The following HMGCS2 variants were observed in gnomAD, a reference collection of about 807,000 sequenced individuals.
The protein encoded by HMGCS2 is hydroxymethylglutaryl-CoA synthase, mitochondrial.
A neutral mutation model predicts 57.4 loss-of-function variants in HMGCS2; 50 were observed. The observed-to-expected ratio is 0.87, with a 90% CI of 0.69 to 1.10. HMGCS2 has a LOEUF of 1.10. Among genes scored for constraint, HMGCS2 ranks in the 50% least tolerant of loss-of-function variants. The pLI, the probability that HMGCS2 is intolerant of heterozygous loss-of-function variation, is 0.00. For synonymous variants in HMGCS2, 254 were observed against 245.1 expected (o/e 1.04, Z -0.34); for missense variants, 627 against 636.5 (o/e 0.99, Z 0.16).
At chr1:119,763,388 C>T (rs1266317000) in intron 2 of HMGCS2, among the ~76,000 whole-genome samples, 1 of 152,072 alleles carries the variant, frequency 6.6e-6, no homozygotes, top group African/African-American at 2.4e-5. Flanking sequence ...ACTGTTTTTT[C>T]ACATCTTTAT....
intron 4 of HMGCS2, among the ~76,000 whole-genome samples, chr1:119,757,665 C>G (rs1372438386): frequency 6.6e-6 from 1 of 152,142 alleles, no homozygotes; most frequent in Non-Finnish European, 1.5e-5. Flanking sequence ...TCTACTATTA[C>G]CAGCCTCTAT....
intron 2 of HMGCS2, among the ~76,000 whole-genome samples, chr1:119,763,602 C>A (rs1016731300): frequency 6.6e-6 from 1 of 152,144 alleles, no homozygotes; most frequent in African/African-American, 2.4e-5. Flanking sequence ...TCAAATATAG[C>A]ACTGGGAGAA....
intron 2 of HMGCS2, among the ~76,000 whole-genome samples, chr1:119,762,321 AC>A (rs1319885054): frequency 2.6e-5 from 4 of 152,196 alleles, no homozygotes; most frequent in African/African-American, 7.2e-5. Flanking sequence ...TTGGAAGAAT[AC>A]ATATAAACCA....
chr1:119,768,454 G>T (rs985400338), intron 1 of HMGCS2, among the ~76,000 whole-genome samples: 3 of 152,164 alleles, frequency 2.0e-5, no homozygotes, highest in African/African-American at 7.2e-5. Flanking sequence ...GAAAGCTGTG[G>T]CCTGGTACTG....
Position 119,759,213 on chromosome 1 carries a change from A to G in HMGCS2, c.755T>C (p.Ile252Thr). 2.5e-6 allele frequency: 4 copies of G among 1,613,994 alleles called. No individual in the cohort carries two copies. The highest frequency in any genetic ancestry group is 2.7e-5 in the African/African-American group (2 of 75,028). ...CTGGATGGAAAGCTTCCCATCCACT[A>G]TTGGGTACTCCGAGGCCAAATTTGG... ...YKPNLASEYP[I>T]VDGKLSIQCY... Residue 252 changes from isoleucine to threonine, a missense_variant, in exon 4 of 10, where the codon ATA becomes ACA. Transcript: ENST00000369406.
chr1:119,752,740 T>G, intron 7 of HMGCS2, 66 bp from the exon 8 acceptor site: 1 of 1,588,882 alleles, frequency 6.3e-7, no homozygotes, highest in Non-Finnish European at 8.6e-7. Context: ...CAATCACGAG[T>G]TCAACAGAGA....
At chr1:119,762,298 C>A (rs1156261174) in intron 2 of HMGCS2, among the ~76,000 whole-genome samples, 1 of 152,082 alleles carries the variant, frequency 6.6e-6, no homozygotes, top group Non-Finnish European at 1.5e-5. Flanking sequence ...CTTGCAGGTA[C>A]TTAGAAAAAA....
chr1:119,767,336 C>T (rs755353223), intron 1 of HMGCS2, among the ~76,000 whole-genome samples: 1 of 152,108 alleles, frequency 6.6e-6, no homozygotes, highest in Non-Finnish European at 1.5e-5. Context: ...TTGAGGCAAA[C>T]CTTGATGGAT....
intron 2 of HMGCS2, among the ~76,000 whole-genome samples, chr1:119,762,760 T>G (rs145056358): frequency 2.1e-4 from 32 of 152,346 alleles, no homozygotes; most frequent in African/African-American, 7.0e-4. Flanking sequence ...AATAACTTGT[T>G]TTTTAAATTT....
At chr1:119,753,044 C>A (rs1021715173) in intron 7 of HMGCS2, among the ~76,000 whole-genome samples, 1 of 152,188 alleles carries the variant, frequency 6.6e-6, no homozygotes, top group African/African-American at 2.4e-5. Flanking sequence ...TAAGTGGTTT[C>A]CCCATATCCA....
Position 119,756,445 on chromosome 1 carries a change from GTT to G in HMGCS2, c.1016+826_1016+827del, listed in dbSNP as rs368956470. Among the ~76,000 whole-genome samples the G allele has an allele frequency of 3.5e-3, 530 of 152,220 alleles. 3 individuals carry two copies. The highest frequency in any genetic ancestry group is 0.012 in the African/African-American group (513 of 41,532). ...CGATAGGGCTGGTCTTACAAGCAGT[GTT>G]TGTGCTAATTTTGATGTTTTAGTTA... On this transcript the variant is annotated intron_variant, in intron 5 of 9. Transcript: ENST00000369406.
chr1:119,759,764 G>T, intron 3 of HMGCS2, 100 bp downstream of exon 3: 1 of 1,426,264 alleles, frequency 7.0e-7, no homozygotes, highest in Non-Finnish European at 9.9e-7. Flanking sequence ...ATCCTCAAAC[G>T]CATACCTCAG....
chr1:119,764,469 A>G lies in HMGCS2; in HGVS notation c.262T>C (p.Leu88=), dbSNP rs1469561308. The G allele has an allele frequency of 6.2e-7, 1 of 1,612,820 alleles. No individual in the cohort carries two copies. The highest frequency in any genetic ancestry group is 8.5e-7 in the Non-Finnish European group (1 of 1,178,902). Residue 88 remains leucine, a synonymous_variant, in exon 2 of 10, where the codon TTG becomes CTG. Transcript: ENST00000369406. ...NVEAGKYTVG[L]GQTRMGFCSV... ...CAGAAGCCCATACGGGTCTGGCCCA[A>G]GCCCACTGTATACTTTCCTGCTTCC...
intron 8 of HMGCS2, among the ~76,000 whole-genome samples, chr1:119,751,638 C>T (rs1322187920): frequency 6.6e-6 from 1 of 152,058 alleles, no homozygotes; most frequent in African/African-American, 2.4e-5. Flanking sequence ...AAACTCCTGG[C>T]CTCAAGTGAT....
chr1:119,752,537 CT>C lies in HMGCS2; in HGVS notation c.1420+11del, dbSNP rs757696498. 11 of 1,613,662 alleles carry C rather than the reference CT, an allele frequency of 6.8e-6. No individual in the cohort carries two copies. The highest frequency in any genetic ancestry group is 4.4e-5 in the South Asian group (4 of 91,060). ...GGGGTCTCTCTTCCTCTCTTCCTGA[CT>C]TTTTTCTTACCCTTATGGTAGAATT... On this transcript the variant is annotated intron_variant, in intron 8 of 9. Transcript: ENST00000369406.
intron 7 of HMGCS2, 55 bp downstream of exon 7, chr1:119,753,225 G>A: frequency 9.5e-7 from 1 of 1,055,702 alleles, no homozygotes; most frequent in Non-Finnish European, 1.5e-6. Flanking sequence ...GAAGAAGATG[G>A]TTATTCTACC....
chr1:119,753,789 T>C (rs1442995766), intron 6 of HMGCS2, among the ~76,000 whole-genome samples: 1 of 151,834 alleles, frequency 6.6e-6, no homozygotes. Context: ...CCATGTTGAT[T>C]GGTAATGGTT....
rs1247001317 is a variant in HMGCS2, at chr1:119,752,464, C to A, written c.1420+85G>T. On this transcript the variant is annotated intron_variant, in intron 8 of 9. Coordinates refer to ENST00000369406, the MANE Select transcript of HMGCS2 (RefSeq NM_005518.4). ...TCGTAAAAGTCTTGACCCTGGACTA[C>A]TAAATTCTAGATTTCCAAAGAAATC... 13 of 1,492,272 alleles carry A rather than the reference C, an allele frequency of 8.7e-6. No homozygotes were observed. The African/African-American group carries it at 1.5e-4, about 17-fold the overall frequency. The allele number at this position is 1,492,272 out of a possible 1,614,324, so 92.4% of individuals were successfully genotyped here.
chr1:119,759,868 C>T lies in HMGCS2; in HGVS notation c.681G>A (p.Glu227=). 1 of 1,614,142 alleles carries T rather than the reference C, an allele frequency of 6.2e-7. No homozygotes were observed. The highest frequency in any genetic ancestry group is 8.5e-7 in the Non-Finnish European group (1 of 1,180,002). The change falls in exon 3 of 10, where the codon GAG becomes GAA. Residue 227 remains glutamate, a synonymous_variant. Transcript: ENST00000369406. The part of the protein sequence containing the change: ...LIGPKAPLAL[E]RGLRGTHMEN... The stretch of plus-strand genomic sequence containing the variant: ...TGGTAATGGATTACTACAAACCTCG[C>T]TCCAGGGCCAGAGGGGCCTTGGGCC...
Sources: allele counts gnomAD v4.1 joint callset (sites outside exome capture counted in the v4.1 genomes callset), GRCh38; gene constraint gnomAD v4.1.1; transcripts MANE v1.5; gene names NCBI Gene and HGNC (gene_info 2026-07-23, HGNC 2026-07-21).